Variants in SCAF11 observed in about 807,000 individuals in gnomAD.
SCAF11 encodes the protein protein SCAF11.
SCAF11 carries 47 observed loss-of-function variants against 140.5 expected under a neutral mutation model. That is an observed-to-expected ratio of 0.33 (90% confidence interval 0.26 to 0.43). The LOEUF is 0.43. SCAF11 is among the 20% of genes least tolerant of loss of function. The pLI, the probability that SCAF11 is intolerant of heterozygous loss-of-function variation, is 1.00. For missense variants in SCAF11, 1,645 were observed against 1,705.1 expected (o/e 0.96, Z 0.62); for synonymous variants, 557 against 579.4 (o/e 0.96, Z 0.55).
rs1944916905 is a variant in SCAF11 at position 45,927,615 on chromosome 12, C to G, written c.2086G>C (p.Glu696Gln). The change falls in exon 11 of 15, where the codon GAG becomes CAG. Residue 696 changes from glutamate (E) to glutamine (Q), a missense_variant. Glu to Gln is a conservative substitution (Grantham distance 29). Around this residue, in one of 2 missense-constraint regions of SCAF11, gnomAD observed 1,582 missense variants for 1,609.2 expected, o/e 0.98. Transcript: ENST00000369367. ...TGTTCAATGTGTGTTTTAGGCAACTCTGTAGATCTAGGATGTTCGGTCAGC... is the reference window on the plus strand; with the variant it reads ...TGTTCAATGTGTGTTTTAGGCAACTGTGTAGATCTAGGATGTTCGGTCAGC... ...ESLTEHPRST[E>Q]LPKTHIEQIQ... 1 of 1,612,976 alleles carries G rather than the reference C, an allele frequency of 6.2e-7. No homozygotes were observed. Among genetic ancestry groups the G allele is most frequent in the East Asian group, 2.2e-5 (1 of 44,858 alleles).
chr12:45,977,823 C>T (rs1167896184), intron 1 of SCAF11, among the ~76,000 whole-genome samples: 1 of 152,018 alleles, frequency 6.6e-6, no homozygotes, highest in African/African-American at 2.4e-5. Context: ...ACTGACAGTT[C>T]TGAGAGACAA....
intron 1 of SCAF11, among the ~76,000 whole-genome samples, chr12:45,973,555 G>C (rs1946163166): frequency 6.6e-6 from 1 of 152,086 alleles, no homozygotes; most frequent in African/African-American, 2.4e-5. Context: ...TCAAGCTACT[G>C]AAAGTTACAA....
At chr12:45,926,121 A>T in intron 11 of SCAF11, 21 bp downstream of exon 11, 1 of 1,559,544 alleles carries the variant, frequency 6.4e-7, no homozygotes, top group Non-Finnish European at 8.7e-7. Flanking sequence ...CAGTATCAAT[A>T]AACCAACAAG....
chr12:45,928,103 G>A lies in SCAF11; in HGVS notation c.1598C>T (p.Ser533Leu). The A allele has an allele frequency of 6.2e-7, 1 of 1,613,940 alleles. No individual in the cohort carries two copies. Among genetic ancestry groups the A allele is most frequent in the East Asian group, 2.2e-5 (1 of 44,860 alleles). The change falls in exon 11 of 15, where the codon TCA becomes TTA. Residue 533 changes from serine (S) to leucine (L), a missense_variant. This residue lies in a region of SCAF11 where 1,582 missense variants were observed against 1,609.2 expected (regional missense o/e 0.98). Coordinates refer to ENST00000369367, the MANE Select transcript of SCAF11 (RefSeq NM_004719.3). ...TACATCTGTCTTTACCTCTGATTGT[G>A]AAAGTCCAGATATCTGGTCTTGCTT... ...LEKQDQISGL[S>L]QSEVKTDVCT...
In SCAF11 at chr12:45,923,145, T is replaced by C; in HGVS notation, c.3916A>G (p.Ser1306Gly). ...PDGKQLQGIP[S>G]SSHVSNNMST... ...ATGTTATTACTTACATGAGAAGAACTAGGAATACCCTGTTTTAAAGAGTTA... is the reference window on the plus strand; with the variant it reads ...ATGTTATTACTTACATGAGAAGAACCAGGAATACCCTGTTTTAAAGAGTTA... Residue 1306 changes from serine to glycine, a missense_variant, in exon 13 of 15, where the codon AGT (serine) becomes GGT (glycine). Transcript: ENST00000369367. 2.5e-6 allele frequency: 4 copies of C among 1,613,308 alleles called. No homozygotes were observed. Among genetic ancestry groups the C allele is most frequent in the East Asian group, 2.2e-5 (1 of 44,872 alleles).
chr12:45,948,290 C>A, intron 5 of SCAF11, 147 bp downstream of exon 5: 1 of 568,418 alleles, frequency 1.8e-6, no homozygotes. Flanking sequence ...CAGATTTCAG[C>A]TAGTCCCTCC....
chr12:45,947,627 G>A (rs1057074484), intron 5 of SCAF11, among the ~76,000 whole-genome samples: 3 of 152,154 alleles, frequency 2.0e-5, no homozygotes, highest in African/African-American at 4.8e-5. Flanking sequence ...TATCTATTAG[G>A]TGTTTAATAT....
intron 1 of SCAF11, among the ~76,000 whole-genome samples, chr12:45,964,583 C>T (rs930031503): frequency 4.0e-5 from 6 of 151,642 alleles, no homozygotes; most frequent in African/African-American, 1.5e-4. Flanking sequence ...AGGAGAATGG[C>T]GTGAACCTGG....
At chr12:45,945,228 C>T in intron 6 of SCAF11, 21 bp downstream of exon 6, 1 of 1,474,876 alleles carries the variant, frequency 6.8e-7, no homozygotes, top group South Asian at 1.2e-5. Flanking sequence ...AGGTAGAATC[C>T]ACAAGCAAAA....
intron 3 of SCAF11, among the ~76,000 whole-genome samples, chr12:45,952,273 C>T (rs1945567838): frequency 1.3e-5 from 2 of 152,090 alleles, no homozygotes. Context: ...TTGTGGATAT[C>T]CATTGCATAT....
intron 12 of SCAF11, 43 bp from the exon 13 acceptor site, chr12:45,923,197 C>A (rs777155932): frequency 1.3e-6 from 2 of 1,521,448 alleles, no homozygotes; most frequent in Non-Finnish European, 1.8e-6. Flanking sequence ...TACTTGTACT[C>A]GATAGAAGTC....
At chr12:45,970,894 C>A (rs537565078) in intron 1 of SCAF11, among the ~76,000 whole-genome samples, 1 of 152,176 alleles carries the variant, frequency 6.6e-6, no homozygotes, top group African/African-American at 2.4e-5. Context: ...AGTGTGGAAG[C>A]GAGTGCCAAA....
In SCAF11 at chr12:45,961,723, T is replaced by A; in HGVS notation, c.196A>T (p.Thr66Ser). ...PESCNHVFCM[T>S]CILKWAETLA... is the part of the protein sequence containing the mutation. ...ACCTCTGCCCATTTAAGAATACAAGTCATACAGAAGACATGATTACAGCTT... is the reference window on the plus strand; with the variant it reads ...ACCTCTGCCCATTTAAGAATACAAGACATACAGAAGACATGATTACAGCTT... Residue 66 changes from threonine to serine, a missense_variant, in exon 3 of 15, where the codon ACT (threonine) becomes TCT (serine). Thr to Ser is a moderately conservative substitution (Grantham distance 58). Transcript: ENST00000369367. The A allele has an allele frequency of 6.2e-7, 1 of 1,612,056 alleles. No homozygotes were observed. The highest frequency in any genetic ancestry group is 8.5e-7 in the Non-Finnish European group (1 of 1,179,098).
At position 45,927,249 on chromosome 12, in the gene SCAF11, A is replaced by G. The variant is rs756992872; in HGVS notation, c.2452T>C (p.Ser818Pro). The change falls in exon 11 of 15, where the codon TCT becomes CCT. Residue 818 changes from serine (S) to proline (P), a missense_variant. Ser to Pro is a moderately conservative substitution (Grantham distance 74). This residue lies in a region of SCAF11 where 1,582 missense variants were observed against 1,609.2 expected (regional missense o/e 0.98). Transcript: ENST00000369367. ...TCTTTCCCAGTTTCTCTTCTGGGAG[A>G]TGGAGACTGGGGCCGCTTCTTTTCT... The part of the protein sequence containing the change: ...PQEKKRPQSP[S>P]PRRETGKESR... The G allele has an allele frequency of 3.7e-6, 6 of 1,613,834 alleles. No individual in the cohort carries two copies. Among genetic ancestry groups the G allele is most frequent in the Non-Finnish European group, 3.4e-6 (4 of 1,179,968 alleles).
intron 6 of SCAF11, among the ~76,000 whole-genome samples, chr12:45,938,654 TAAACATGTTTCATGA>T (rs997695638): frequency 5.9e-5 from 9 of 152,004 alleles, no homozygotes; most frequent in African/African-American, 2.2e-4. Flanking sequence ...AGCATATCCC[TAAACATGTTTCATGA>T]AACACTAATC....
At chr12:45,929,067 T>G (rs961166017) in intron 10 of SCAF11, 1 of 337,678 alleles carries the variant, frequency 3.0e-6, no homozygotes, top group African/African-American at 2.1e-5. Context: ...AAGTTATAAC[T>G]AGATTTGGTC....
Position 45,934,252 on chromosome 12 carries a change from A to C in SCAF11, c.556T>G (p.Phe186Val). 6.2e-7 allele frequency: 1 copy of C among 1,611,616 alleles called. No homozygotes were observed. Among genetic ancestry groups the C allele is most frequent in the Admixed American group, 1.7e-5 (1 of 59,844 alleles). Residue 186 changes from phenylalanine to valine, a missense_variant, in exon 8 of 15, where the codon TTC becomes GTC. This residue lies in a region of SCAF11 where 1,582 missense variants were observed against 1,609.2 expected (regional missense o/e 0.98). Coordinates refer to ENST00000369367, the MANE Select transcript of SCAF11 (RefSeq NM_004719.3). ...AACATATTGGAGAAAAAATTTCTGA[A>C]GCACTGATTTGTACTCCAATTTGAT... is the stretch of plus-strand genomic sequence containing the variant. ...QRSNWSTNQC[F>V]RNFFSNMFSS...
At chr12:45,953,744 G>C in intron 3 of SCAF11, 1 of 339,292 alleles carries the variant, frequency 2.9e-6, no homozygotes. Flanking sequence ...TGCTACTTTC[G>C]TATCTTTTTA....
chr12:45,972,869 TATATATATATAG>T (rs1404871500), intron 1 of SCAF11, among the ~76,000 whole-genome samples: 2 of 54,332 alleles, frequency 3.7e-5, no homozygotes, highest in East Asian at 1.1e-3. Flanking sequence ...TATATCGATA[TATATATATATAG>T]ATATATATAT....
Sources: gnomAD v4.1 joint callset for allele counts (sites outside exome capture counted in the v4.1 genomes callset) on GRCh38, gnomAD v4.1.1 for gene constraint, gnomAD v4.1.1 regional missense constraint, MANE v1.5 for transcripts, NCBI Gene and HGNC (gene_info 2026-07-23, HGNC 2026-07-21) for gene names.